ZNF462: variants seen among roughly 807,000 people sequenced by gnomAD.
The protein encoded by ZNF462 is zinc finger PBX1-interacting protein.
A neutral mutation model predicts 201.9 loss-of-function variants in ZNF462; 10 were observed. The observed-to-expected ratio is 0.05, with a 90% confidence interval of 0.03 to 0.08. ZNF462 has a LOEUF of 0.08. Among genes scored for constraint, ZNF462 ranks in the 10% least tolerant of loss-of-function variants. ZNF462 has a pLI of 1.00. For missense variants in ZNF462, 2,523 were observed against 3,168.3 expected (o/e 0.80, Z 4.89); for synonymous variants, 1,227 against 1,193.3 (o/e 1.03, Z -0.58).
intron 7 of ZNF462, 69 bp downstream of exon 7, chr9:106,939,176 A>G (rs1830759551): frequency 4.3e-6 from 6 of 1,382,468 alleles, no homozygotes; most frequent in Non-Finnish European, 5.8e-6. Flanking sequence ...ATTGCCAATC[A>G]TTTTTTTTAG....
Position 107,008,369 on chromosome 9 carries a change from G to A in ZNF462, c.7190-1176G>A, listed in dbSNP as rs972784532. Among the ~76,000 whole-genome samples the A allele has an allele frequency of 2.0e-5, 3 of 152,188 alleles. No homozygotes were observed. The highest frequency in any genetic ancestry group is 7.2e-5 in the African/African-American group (3 of 41,460). On this transcript the variant is annotated intron_variant, in intron 11 of 12. Transcript: ENST00000277225. This position sits in a 1 kb window ranked among gnomAD's most constrained non-coding sequence, Gnocchi z 4.8. ...TAAATCTGGCCCCAGTCACATAGCTGTTTGTGCTGAAGATTAAGGCATCAC... is the reference window on the plus strand; with the variant it reads ...TAAATCTGGCCCCAGTCACATAGCTATTTGTGCTGAAGATTAAGGCATCAC...
Position 107,008,404 on chromosome 9 carries a change from C to T in ZNF462, c.7190-1141C>T, listed in dbSNP as rs1201240859. Among the ~76,000 whole-genome samples, 2 of 152,208 alleles carry T rather than the reference C, an allele frequency of 1.3e-5. No homozygotes were observed. Among genetic ancestry groups the T allele is most frequent in the Non-Finnish European group, 2.9e-5 (2 of 68,044 alleles). On this transcript the variant is annotated intron_variant, in intron 11 of 12. Coordinates refer to ENST00000277225, the MANE Select transcript of ZNF462 (RefSeq NM_021224.6). The surrounding 1 kb of genome is among the most constrained non-coding windows in gnomAD (Gnocchi z 4.8). ...AAGATTAAGGCATCACAGAGCCCCC[C>T]ATCCTGTTAACATCGTCCTGAGAAT...
At position 106,930,568 on chromosome 9, in the gene ZNF462, A is replaced by T. The variant is rs1369611184; in HGVS notation, c.5891A>T (p.Lys1964Ile). 6.2e-7 allele frequency: 1 copy of T among 1,614,110 alleles called. No individual in the cohort carries two copies. Among genetic ancestry groups the T allele is most frequent in the South Asian group, 1.1e-5 (1 of 91,080 alleles). The change falls in exon 4 of 13, where the codon AAA (lysine) becomes ATA (isoleucine). Residue 1964 changes from lysine to isoleucine, a missense_variant. Lys to Ile is a moderately radical substitution (Grantham distance 102). Coordinates refer to ENST00000277225, the MANE Select transcript of ZNF462 (RefSeq NM_021224.6). The surrounding 1 kb of genome is among the most constrained non-coding windows in gnomAD (Gnocchi z 5.8). ...GAGGTGCCAAAGATCAAGGAGAGGA[A>T]AGTGGTGGGCTACAAATGTAAATTC... ...LEEVPKIKER[K>I]VVGYKCKFCV...
Position 106,978,593 on chromosome 9 carries a change from G to C in ZNF462, c.6832+4320G>C, listed in dbSNP as rs1272824536. 6.6e-6 allele frequency among the ~76,000 whole-genome samples: 1 copy of C among 151,648 alleles called. No individual in the cohort carries two copies. Among genetic ancestry groups the C allele is most frequent in the South Asian group, 2.1e-4 (1 of 4,820 alleles). On this transcript the variant is annotated intron_variant, in intron 9 of 12. Transcript: ENST00000277225. This position sits in a 1 kb window ranked among gnomAD's most constrained non-coding sequence, Gnocchi z 4.1. ...GACCATGATTTGATGAGTTTAACTA[G>C]GGAAAAATTAAGCCCTGAACTTCTC...
Position 106,885,134 on chromosome 9 carries a change from C to T in ZNF462, c.-31+21779C>T, listed in dbSNP as rs965706499. Among the ~76,000 whole-genome samples the T allele has an allele frequency of 6.6e-6, 1 of 152,202 alleles. No individual in the cohort carries two copies. The highest frequency in any genetic ancestry group is 2.4e-5 in the African/African-American group (1 of 41,452). ...GCAAAATTTGGCAGGTCAGACACTT[C>T]AGCTTCCCAAGAAAATGCAAGGAAT... On this transcript the variant is annotated intron_variant, in intron 1 of 12. Transcript: ENST00000277225. The surrounding 1 kb of genome is among the most constrained non-coding windows in gnomAD (Gnocchi z 4.1).
chr9:106,864,052 C>G (rs1296595808), intron 1 of ZNF462, among the ~76,000 whole-genome samples: 1 of 55,994 alleles, frequency 1.8e-5, no homozygotes, highest in Non-Finnish European at 3.7e-5. Flanking sequence ...CTCTCTCTCT[C>G]TCTCTCTCTC....
In ZNF462 at chr9:106,978,942, T is replaced by G. The variant is rs1387179745; in HGVS notation, c.6832+4669T>G. On this transcript the variant is annotated intron_variant, in intron 9 of 12. Coordinates refer to ENST00000277225, the MANE Select transcript of ZNF462 (RefSeq NM_021224.6). The surrounding 1 kb of genome is among the most constrained non-coding windows in gnomAD (Gnocchi z 4.1). ...TTCTACCAGCTTAGCCAAAGCGCCT[T>G]TGTCTTCCAAGTTAATGTGTGTGAA... is the stretch of plus-strand genomic sequence containing the variant. 3 of 314,366 alleles carry G rather than the reference T, an allele frequency of 9.5e-6. No individual in the cohort carries two copies. Among genetic ancestry groups the G allele is most frequent in the Non-Finnish European group, 1.2e-5 (2 of 163,326 alleles). 19.5% of individuals were successfully genotyped at this position (314,366 alleles called of 1,614,324 possible).
intron 1 of ZNF462, among the ~76,000 whole-genome samples, chr9:106,869,907 C>G (rs2130817075): frequency 6.6e-6 from 1 of 152,104 alleles, no homozygotes; most frequent in African/African-American, 2.4e-5. Flanking sequence ...CTAGGAAGCT[C>G]TTTTGGATTT....
intron 1 of ZNF462, among the ~76,000 whole-genome samples, chr9:106,878,385 T>G (rs1045962419): frequency 6.6e-6 from 1 of 152,254 alleles, no homozygotes; most frequent in African/African-American, 2.4e-5. Context: ...ATCCAATGCC[T>G]GGTTTTGCAT....
At chr9:106,882,526 T>C (rs1283327097) in intron 1 of ZNF462, among the ~76,000 whole-genome samples, 1 of 152,190 alleles carries the variant, frequency 6.6e-6, no homozygotes, top group Non-Finnish European at 1.5e-5. Flanking sequence ...ATTATGTACA[T>C]TTTGAAGTAA....
Position 106,924,413 on chromosome 9 carries a change from C to T in ZNF462, c.501C>T (p.Cys167=), listed in dbSNP as rs757355805. 6.8e-6 allele frequency: 11 copies of T among 1,614,140 alleles called. No homozygotes were observed. Among genetic ancestry groups the T allele is most frequent in the South Asian group, 2.2e-5 (2 of 91,072 alleles). The change falls in exon 3 of 13, where the codon TGC becomes TGT. Residue 167 remains cysteine (C), a synonymous_variant. Transcript: ENST00000277225. This position sits in a 1 kb window ranked among gnomAD's most constrained non-coding sequence, Gnocchi z 6.2. ...GAAAGGTCTTCTCTTGCCAGTTTTG[C>T]ACATACAAGTCACCAAGAAGGGCAA... ...GFGKVFSCQF[C]TYKSPRRARI...
chr9:107,000,295 A>C (rs1373949743), intron 10 of ZNF462, among the ~76,000 whole-genome samples: 3 of 151,910 alleles, frequency 2.0e-5, no homozygotes, highest in African/African-American at 7.3e-5. Context: ...TTTGTATTTC[A>C]TCCTCAGGGC....
At chr9:106,888,826 G>C (rs1399624059) in intron 1 of ZNF462, among the ~76,000 whole-genome samples, 1 of 152,208 alleles carries the variant, frequency 6.6e-6, no homozygotes, top group Non-Finnish European at 1.5e-5. Context: ...ATTTCCTTTT[G>C]AAGTGCCACC....
chr9:106,996,830 G>A (rs898598408), intron 10 of ZNF462, among the ~76,000 whole-genome samples: 2 of 152,026 alleles, frequency 1.3e-5, no homozygotes, highest in Non-Finnish European at 2.9e-5. Context: ...CATGTTACTG[G>A]TAAATTCAAA....
At chr9:106,866,424 G>C (rs1409120626) in intron 1 of ZNF462, among the ~76,000 whole-genome samples, 8 of 152,088 alleles carry the variant, frequency 5.3e-5, no homozygotes, top group Non-Finnish European at 1.2e-4. Flanking sequence ...ATTAATTGAG[G>C]GTTATTGTTC....
intron 1 of ZNF462, among the ~76,000 whole-genome samples, chr9:106,873,407 T>C (rs553081082): frequency 2.9e-4 from 44 of 151,156 alleles, no homozygotes; most frequent in African/African-American, 1.1e-3. Context: ...CAGGAAGATA[T>C]GCTGGTGACT....
chr9:106,926,307 G>T lies in ZNF462; in HGVS notation c.2395G>T (p.Asp799Tyr). The change falls in exon 3 of 13, where the codon GAT (aspartate) becomes TAT (tyrosine). Residue 799 changes from aspartate (D) to tyrosine (Y), a missense_variant. This residue lies in a region of ZNF462 where 383 missense variants were observed against 453.4 expected (regional missense o/e 0.84). Coordinates refer to ENST00000277225, the MANE Select transcript of ZNF462 (RefSeq NM_021224.6). The surrounding 1 kb of genome is among the most constrained non-coding windows in gnomAD (Gnocchi z 7.9). ...GCTCACCCTTTCTGAAGATGAAGAG[G>T]ATTATTATGGCTCCTCAACAAACTT... ...IELTLSEDEEDYYGSSTNLKD... is the reference protein window; with the variant it reads ...IELTLSEDEEYYYGSSTNLKD... 1 of 1,614,162 alleles carries T rather than the reference G, an allele frequency of 6.2e-7. No individual in the cohort carries two copies. The highest frequency in any genetic ancestry group is 8.5e-7 in the Non-Finnish European group (1 of 1,180,032).
chr9:106,923,804 C>T lies in ZNF462; in HGVS notation c.220+201C>T, dbSNP rs1830080164. 6.6e-6 allele frequency among the ~76,000 whole-genome samples: 1 copy of T among 152,158 alleles called. No homozygotes were observed. Among genetic ancestry groups the T allele is most frequent in the African/African-American group, 2.4e-5 (1 of 41,416 alleles). Reference sequence around the variant, plus strand: ...TTCGAAAGCTTCCTCATATATCCTACCTTTCAATTTGGAGAACAAGATAGT... The same window carrying T: ...TTCGAAAGCTTCCTCATATATCCTATCTTTCAATTTGGAGAACAAGATAGT... On this transcript the variant is annotated intron_variant, in intron 2 of 12. Transcript: ENST00000277225. The surrounding 1 kb of genome is among the most constrained non-coding windows in gnomAD (Gnocchi z 5.6).
intron 9 of ZNF462, chr9:106,975,038 A>T (rs1826894737): frequency 6.6e-6 from 1 of 152,222 alleles, no homozygotes; most frequent in African/African-American, 2.4e-5. Context: ...TGGCCAATTA[A>T]AACACTGTTA....
Sources: allele counts gnomAD v4.1 joint callset (sites outside exome capture counted in the v4.1 genomes callset), GRCh38; gene constraint gnomAD v4.1.1; regional missense constraint gnomAD v4.1.1; non-coding constraint Gnocchi (gnomAD v3.1); transcripts MANE v1.5; gene names NCBI Gene and HGNC (gene_info 2026-07-23, HGNC 2026-07-21).